The following GNA12 variants were observed in gnomAD, a reference collection of about 807,000 sequenced individuals.
GNA12 encodes the protein G protein subunit alpha 12.
GNA12 carries 9 observed loss-of-function variants against 26.0 expected under a neutral mutation model. The ratio of observed to expected loss-of-function variants is 0.35; its 90% confidence interval spans 0.21 to 0.60. The LOEUF (loss-of-function observed/expected upper bound fraction) is 0.60. GNA12 is among the 20% of genes least tolerant of loss of function. The probability of loss-of-function intolerance (pLI) is 0.78; values close to 1 mark genes in which losing one functional copy is unlikely to be tolerated. For missense variants in GNA12, 405 were observed against 525.8 expected, an observed-to-expected ratio of 0.77 and a Z score of 2.25; for synonymous variants, 264 against 219.6, an observed-to-expected ratio of 1.20 and a Z score of -1.79.
chr7:2,748,708 T>A (rs1216478720), intron 2 of GNA12, among the ~76,000 whole-genome samples: 2 of 152,126 alleles, frequency 1.3e-5, no homozygotes, highest in South Asian at 4.1e-4. Context: ...GAAACTACCA[T>A]CAGCATGAAC....
At chr7:2,805,124 G>A (rs1299812812) in intron 1 of GNA12, among the ~76,000 whole-genome samples, 1 of 152,110 alleles carries the variant, frequency 6.6e-6, no homozygotes, top group South Asian at 2.1e-4. Flanking sequence ...TTTAAACACC[G>A]ACCAAGGTGC....
At chr7:2,795,704 C>T (rs1239268728) in intron 1 of GNA12, among the ~76,000 whole-genome samples, 2 of 151,746 alleles carry the variant, frequency 1.3e-5, no homozygotes, top group Admixed American at 1.3e-4. Flanking sequence ...AGTCTGCTTT[C>T]TGCTATCATT....
chr7:2,791,351 G>T (rs767033362), intron 2 of GNA12, among the ~76,000 whole-genome samples: 3 of 152,236 alleles, frequency 2.0e-5, no homozygotes, highest in Non-Finnish European at 4.4e-5. Flanking sequence ...GCATGGCAAG[G>T]GGCCAGTGGG....
chr7:2,735,122 T>C (rs991414083), intron 2 of GNA12, among the ~76,000 whole-genome samples: 2 of 151,998 alleles, frequency 1.3e-5, no homozygotes, highest in African/African-American at 4.8e-5. Context: ...CACTCCCTGA[T>C]TTACGACAAG....
intron 2 of GNA12, chr7:2,763,219 CA>C: frequency 2.4e-6 from 1 of 416,220 alleles, no homozygotes; most frequent in Non-Finnish European, 3.5e-6. Context: ...CACACACACA[CA>C]CACACACACA....
At chr7:2,788,762 A>C (rs1179313941) in intron 2 of GNA12, among the ~76,000 whole-genome samples, 1 of 152,176 alleles carries the variant, frequency 6.6e-6, no homozygotes, top group Non-Finnish European at 1.5e-5. Flanking sequence ...TGCTATGACC[A>C]CACTGCCTCT....
intron 2 of GNA12, among the ~76,000 whole-genome samples, chr7:2,754,166 T>C (rs957840191): frequency 6.6e-6 from 1 of 152,226 alleles, no homozygotes; most frequent in Non-Finnish European, 1.5e-5. Context: ...TCTGTGTTAA[T>C]AGGTGTGTAG....
At chr7:2,761,316 C>CT (rs1791543131) in intron 2 of GNA12, among the ~76,000 whole-genome samples, 2 of 152,236 alleles carry the variant, frequency 1.3e-5, no homozygotes, top group Non-Finnish European at 2.9e-5. Flanking sequence ...GCTCACAGAG[C>CT]CGTCTGCTGG....
chr7:2,834,967 A>ATGACTATACATTGCGATGCG (rs1376905862), intron 1 of GNA12, among the ~76,000 whole-genome samples: 1 of 151,542 alleles, frequency 6.6e-6, no homozygotes, highest in Non-Finnish European at 1.5e-5. Context: ...ATCGCGATGC[A>ATGACTATACATTGCGATGCG]TGACTATACA....
rs564687979 is a variant in GNA12 at position 2,789,356 on chromosome 7, C to A, written c.525+5572G>T. Among the ~76,000 whole-genome samples the A allele has an allele frequency of 1.1e-4, 16 of 145,516 alleles. 1 individual carries two copies. Among genetic ancestry groups the A allele is most frequent in the African/African-American group, 3.7e-4 (14 of 37,668 alleles). On this transcript the variant is annotated intron_variant, in intron 2 of 3. Transcript: ENST00000275364. ...TTCACCGTTTTAGCCGGGATGGTCT[C>A]GATCTCCTGACCTCGTGATCCGCCC...
At chr7:2,758,828 G>C (rs1791421477) in intron 2 of GNA12, among the ~76,000 whole-genome samples, 2 of 152,188 alleles carry the variant, frequency 1.3e-5, no homozygotes, top group Admixed American at 1.3e-4. Flanking sequence ...GGATATGAGA[G>C]GGTTATCACC....
chr7:2,814,832 G>T, intron 1 of GNA12: 2 of 1,575,778 alleles, frequency 1.3e-6, no homozygotes, highest in African/African-American at 1.4e-5. Flanking sequence ...CTGTGCTCCC[G>T]ACAGCACCGG....
intron 2 of GNA12, among the ~76,000 whole-genome samples, chr7:2,789,764 T>G (rs2115449301): frequency 6.6e-6 from 1 of 152,248 alleles, no homozygotes; most frequent in South Asian, 2.1e-4. Flanking sequence ...GGTCCCCTCC[T>G]TGCTCCTGGT....
At chr7:2,834,819 G>A (rs1778782637) in intron 1 of GNA12, among the ~76,000 whole-genome samples, 1 of 152,112 alleles carries the variant, frequency 6.6e-6, no homozygotes, top group African/African-American at 2.4e-5. Context: ...TGCAGTCTGG[G>A]AGCAATAGGC....
chr7:2,762,766 T>G, intron 2 of GNA12: 1 of 1,548,260 alleles, frequency 6.5e-7, no homozygotes, highest in Non-Finnish European at 8.7e-7. Context: ...GGCCCGTCCT[T>G]TCCACCCAGG....
chr7:2,777,587 G>A (rs927380187), intron 2 of GNA12, among the ~76,000 whole-genome samples: 3 of 152,126 alleles, frequency 2.0e-5, no homozygotes, highest in African/African-American at 7.2e-5. Context: ...ATAAGAAGAC[G>A]GAGAGACATC....
chr7:2,759,564 C>T (rs1208412422), intron 2 of GNA12, among the ~76,000 whole-genome samples: 4 of 152,184 alleles, frequency 2.6e-5, no homozygotes, highest in Non-Finnish European at 4.4e-5. Flanking sequence ...ATAGTGGTGA[C>T]GCTGGGGTGG....
chr7:2,766,080 C>T (rs1383346304), intron 2 of GNA12, among the ~76,000 whole-genome samples: 1 of 152,226 alleles, frequency 6.6e-6, no homozygotes, highest in Non-Finnish European at 1.5e-5. Flanking sequence ...ACTTTTTCAT[C>T]TTGCAAATGT....
rs1317020597 is a variant in GNA12, at chr7:2,737,269, G to GTTTTT, written c.526-3769_526-3768insAAAAA. Among the ~76,000 whole-genome samples the GTTTTT allele has an allele frequency of 4.1e-3, 156 of 38,092 alleles. 18 individuals are homozygous for GTTTTT. Among genetic ancestry groups the GTTTTT allele is most frequent in the East Asian group, 1.0e-2 (10 of 1,002 alleles). 25.0% of individuals were successfully genotyped at this position (38,092 alleles called of 152,430 possible). A position where few individuals can be genotyped will look rare whatever the true frequency, so the allele number is the denominator to read the frequency against. On this transcript the variant is annotated intron_variant, in intron 2 of 3. Coordinates refer to ENST00000275364, the MANE Select transcript of GNA12 (RefSeq NM_007353.3). ...CATTCAGGAGCTATCTCACAGTTTT[G>GTTTTT]TTTTGTTTTTTTTTTTTTTGTTTTT...
Sources: allele counts gnomAD v4.1 joint callset (sites outside exome capture counted in the v4.1 genomes callset), GRCh38; gene constraint gnomAD v4.1.1; transcripts MANE v1.5; gene names NCBI Gene and HGNC (gene_info 2026-07-23, HGNC 2026-07-21).